Variants in NPLOC4 observed in about 807,000 individuals in gnomAD.
NPLOC4 encodes the protein NPL4 homolog, ubiquitin recognition factor, also known as nuclear protein localization protein 4 homolog.
In NPLOC4, 18 loss-of-function variants were observed where a neutral mutation model predicts 80.6. The ratio of observed to expected loss-of-function variants is 0.22; its 90% CI spans 0.15 to 0.33. NPLOC4 has a LOEUF of 0.33. NPLOC4 is among the 10% of genes least tolerant of loss of function. The pLI is 1.00. For synonymous variants in NPLOC4, 313 were observed against 301.5 expected (o/e 1.04, Z -0.39); for missense variants, 540 against 786.1 (o/e 0.69, Z 3.74).
intron 2 of NPLOC4, among the ~76,000 whole-genome samples, chr17:81,625,482 AAAG>A (rs769276466): frequency 6.6e-6 from 1 of 152,244 alleles, no homozygotes; most frequent in East Asian, 1.9e-4. Context: ...ACAAATCATA[AAAG>A]AACAATCAAA....
Position 81,606,832 on chromosome 17 carries a change from A to AGCTT in NPLOC4, c.531-19_531-18insAAGC, listed in dbSNP as rs1354553689. ...ACTTCCCCCTACATAGAAGAGAAGCAACTTAAACATCACATTGGTGAAAAG... is the reference window on the plus strand; with the variant it reads ...ACTTCCCCCTACATAGAAGAGAAGCAGCTTACTTAAACATCACATTGGTGAAAAG... On this transcript the variant is annotated intron_variant, in intron 6 of 16. Transcript: ENST00000331134. The AGCTT allele has an allele frequency of 1.3e-6, 2 of 1,494,182 alleles. No individual in the cohort carries two copies. Among genetic ancestry groups the AGCTT allele is most frequent in the Non-Finnish European group, 1.8e-6 (2 of 1,100,978 alleles). The allele number at this position is 1,494,182 out of a possible 1,614,324, so 92.6% of individuals were successfully genotyped here. A position where few individuals can be genotyped will look rare whatever the true frequency, so the allele number is the denominator to read the frequency against.
At position 81,577,462 on chromosome 17, in the gene NPLOC4, T is replaced by TCCC; in HGVS notation, c.1282-5375_1282-5374insGGG. The stretch of plus-strand genomic sequence containing the variant: ...TCCGGGTTAGCTCAACGCCCTCTTC[T>TCCC]TTTCTCCCTCTGAACCACAGCTTGG... On this transcript the variant is annotated intron_variant, in intron 12 of 16. Coordinates refer to ENST00000331134, the MANE Select transcript of NPLOC4 (RefSeq NM_017921.4). This position sits in a 1 kb window ranked among gnomAD's most constrained non-coding sequence, Gnocchi z 4.3. 6.6e-6 allele frequency among the ~76,000 whole-genome samples: 1 copy of TCCC among 151,496 alleles called. No individual in the cohort carries two copies. Among genetic ancestry groups the TCCC allele is most frequent in the Non-Finnish European group, 1.5e-5 (1 of 67,798 alleles).
chr17:81,592,799 C>T (rs2034784830), intron 11 of NPLOC4, among the ~76,000 whole-genome samples: 1 of 152,166 alleles, frequency 6.6e-6, no homozygotes, highest in South Asian at 2.1e-4. Flanking sequence ...GCCTGGCCAA[C>T]ATGGTGAAAC....
chr17:81,625,197 G>A (rs571094165), intron 2 of NPLOC4, among the ~76,000 whole-genome samples: 1 of 152,186 alleles, frequency 6.6e-6, no homozygotes, highest in African/African-American at 2.4e-5. Context: ...GTAAAGCTGA[G>A]AATTCTAGAT....
rs1213331787 is a variant in NPLOC4, at chr17:81,637,095, C to G, written c.-165G>C. On this transcript the variant is annotated 5_prime_UTR_variant, in exon 1 of 17. Transcript: ENST00000331134. ...CCGGCTCCGCCAGCCGCCGACGTCCCGGTGCCTCGCTCAATACGCTCCCCT... is the reference window on the plus strand; with the variant it reads ...CCGGCTCCGCCAGCCGCCGACGTCCGGGTGCCTCGCTCAATACGCTCCCCT... The G allele has an allele frequency of 1.1e-5, 4 of 366,136 alleles. No individual in the cohort carries two copies. Among genetic ancestry groups the G allele is most frequent in the Admixed American group, 4.8e-5 (1 of 20,890 alleles). The allele number at this position is 366,136 out of a possible 1,614,324, so 22.7% of individuals were successfully genotyped here. A position where few individuals can be genotyped will look rare whatever the true frequency, so the allele number is the denominator to read the frequency against.
intron 7 of NPLOC4, among the ~76,000 whole-genome samples, chr17:81,605,032 G>A (rs902720987): frequency 9.2e-5 from 14 of 152,074 alleles, no homozygotes; most frequent in African/African-American, 2.4e-4. Flanking sequence ...AGGCCAAGGC[G>A]GGCGGATCAT....
intron 2 of NPLOC4, among the ~76,000 whole-genome samples, chr17:81,625,434 T>G (rs2035770715): frequency 2.0e-5 from 3 of 152,018 alleles, no homozygotes; most frequent in Admixed American, 6.6e-5. Context: ...TCAGAGTAGA[T>G]GTACCCAAAT....
rs1455993582 is a variant in NPLOC4, at chr17:81,559,515, C to T, written c.1670-99G>A. 4.5e-6 allele frequency: 6 copies of T among 1,335,944 alleles called. No individual in the cohort carries two copies. The East Asian group carries it at 7.6e-5, about 17-fold the overall frequency. 82.8% of individuals were successfully genotyped at this position (1,335,944 alleles called of 1,614,324 possible). Reference sequence around the variant, plus strand: ...CAGGGGCAGGCAGCTGAGAGCTCCCCGCCCCCAACATCCCACCCAGTGCTG... The same window carrying T: ...CAGGGGCAGGCAGCTGAGAGCTCCCTGCCCCCAACATCCCACCCAGTGCTG... On this transcript the variant is annotated intron_variant, in intron 16 of 16. Coordinates refer to ENST00000331134, the MANE Select transcript of NPLOC4 (RefSeq NM_017921.4).
At chr17:81,636,795 G>A in intron 1 of NPLOC4, 121 bp downstream of exon 1, 1 of 1,091,408 alleles carries the variant, frequency 9.2e-7, no homozygotes, top group South Asian at 3.1e-5. Context: ...GAAAGCCCTG[G>A]CGAGAGAAGA....
At chr17:81,623,851 G>A (rs1023631254) in intron 2 of NPLOC4, among the ~76,000 whole-genome samples, 3 of 151,898 alleles carry the variant, frequency 2.0e-5, no homozygotes, top group Non-Finnish European at 4.4e-5. Context: ...AGAATGGTGC[G>A]ACTAAATCAT....
At chr17:81,595,489 C>A (rs1367953888) in intron 11 of NPLOC4, among the ~76,000 whole-genome samples, 17 of 146,746 alleles carry the variant, frequency 1.2e-4, no homozygotes, top group African/African-American at 4.0e-4. Context: ...CTCTGTCGCC[C>A]AGGGGAACAT....
intron 16 of NPLOC4, chr17:81,563,313 T>TC (rs1033824778): frequency 6.6e-6 from 1 of 151,270 alleles, no homozygotes; most frequent in African/African-American, 2.4e-5. Context: ...GACGTTGTGA[T>TC]CCACCTGCCT....
At chr17:81,593,843 G>A (rs2034815128) in intron 11 of NPLOC4, among the ~76,000 whole-genome samples, 1 of 152,050 alleles carries the variant, frequency 6.6e-6, no homozygotes, top group African/African-American at 2.4e-5. Context: ...CAGCTACCCT[G>A]AGTCCCCCAC....
At chr17:81,612,249 G>A (rs1289525192) in intron 4 of NPLOC4, among the ~76,000 whole-genome samples, 1 of 152,138 alleles carries the variant, frequency 6.6e-6, no homozygotes, top group Admixed American at 6.5e-5. Flanking sequence ...CTTTCTAAGT[G>A]GGGTCAGAAT....
At chr17:81,564,128 G>A (rs2033939093) in intron 16 of NPLOC4, 3 of 227,732 alleles carry the variant, frequency 1.3e-5, no homozygotes, top group Non-Finnish European at 2.6e-5. Flanking sequence ...AAAGAGCAGG[G>A]CGGGCTGAAA....
chr17:81,593,833 C>T (rs2034814958), intron 11 of NPLOC4, among the ~76,000 whole-genome samples: 1 of 152,100 alleles, frequency 6.6e-6, no homozygotes, highest in Non-Finnish European at 1.5e-5. Context: ...AGCTGCTCTC[C>T]AGCTACCCTG....
intron 9 of NPLOC4, among the ~76,000 whole-genome samples, chr17:81,598,168 T>C (rs557324305): frequency 6.6e-6 from 1 of 151,940 alleles, no homozygotes; most frequent in Non-Finnish European, 1.5e-5. Flanking sequence ...AAAAGAATGT[T>C]CTCAGTCAGA....
intron 3 of NPLOC4, among the ~76,000 whole-genome samples, chr17:81,618,689 C>A (rs1354404158): frequency 6.6e-6 from 1 of 151,616 alleles, no homozygotes; most frequent in African/African-American, 2.4e-5. Flanking sequence ...CGGCCACCAC[C>A]CCGTCTGGGA....
At position 81,597,256 on chromosome 17, in the gene NPLOC4, T is replaced by C. The variant is rs770230584; in HGVS notation, c.982A>G (p.Ser328Gly). The C allele has an allele frequency of 6.2e-7, 1 of 1,613,542 alleles. No individual in the cohort carries two copies. The highest frequency in any genetic ancestry group is 2.2e-5 in the East Asian group (1 of 44,874). The change falls in exon 10 of 17, where the codon AGT becomes GGT. Residue 328 changes from serine to glycine, a missense_variant. By Grantham distance (56) the Ser-to-Gly change is moderately conservative. This residue lies in a region of NPLOC4 where 251 missense variants were observed against 377.5 expected (regional missense o/e 0.66). Transcript: ENST00000331134. ...EDTRKGTVRY[S>G]RNKDTYFLSS... ...TGTCTCCACCTCACCTTATTTCGAC[T>C]GTAGCGGACGGTACCCTTTCGGGTA... is the stretch of plus-strand genomic sequence containing the variant.
Sources: allele counts gnomAD v4.1 joint callset (sites outside exome capture counted in the v4.1 genomes callset), GRCh38; gene constraint gnomAD v4.1.1; regional missense constraint gnomAD v4.1.1; non-coding constraint Gnocchi (gnomAD v3.1); transcripts MANE v1.5; gene names NCBI Gene and HGNC (gene_info 2026-07-23, HGNC 2026-07-21).